Variants in EPB41L4B observed in about 807,000 individuals in gnomAD.
EPB41L4B encodes band 4.1-like protein 4B.
Under a neutral mutation model 112.5 loss-of-function variants are expected in EPB41L4B, and 30 were observed. That is an observed-to-expected ratio of 0.27 (90% CI 0.20 to 0.36). EPB41L4B has a LOEUF of 0.36. EPB41L4B is among the 10% of genes least tolerant of loss of function. The pLI is 1.00. For synonymous variants in EPB41L4B, 408 were observed against 439.7 expected (o/e 0.93, Z 0.90); for missense variants, 1,024 against 1,133.3 (o/e 0.90, Z 1.38).
intron 2 of EPB41L4B, among the ~76,000 whole-genome samples, chr9:109,276,322 T>C (rs1229751435): frequency 2.6e-5 from 4 of 151,316 alleles, no homozygotes; most frequent in African/African-American, 9.7e-5. Flanking sequence ...GGGGGGGTCA[T>C]CTGAGATGGT....
At chr9:109,222,177 A>C (rs749964127) in intron 15 of EPB41L4B, among the ~76,000 whole-genome samples, 1 of 152,208 alleles carries the variant, frequency 6.6e-6, no homozygotes, top group African/African-American at 2.4e-5. Context: ...TGCATGTGTG[A>C]CCTTCATCTT....
In EPB41L4B at chr9:109,262,452, G is replaced by GTGTGTGTGTGT. The variant is rs34849317; in HGVS notation, c.631+597_631+598insACACACACACA. Among the ~76,000 whole-genome samples the GTGTGTGTGTGT allele has an allele frequency of 6.1e-4, 91 of 149,652 alleles. No individual in the cohort carries two copies. In the East Asian group the frequency reaches 6.1e-3, roughly 10 times the overall value. ...AATGCTATTTCTTGGTGTGTGTGGG[G>GTGTGTGTGTGT]GTGTGTGTGTGTGTGTGTGTGTGTG... On this transcript the variant is annotated intron_variant, in intron 6 of 25. Transcript: ENST00000374566.
Position 109,263,088 on chromosome 9 carries a change from T to C in EPB41L4B, c.593A>G (p.Tyr198Cys). Residue 198 changes from tyrosine (Y) to cysteine (C), a missense_variant, in exon 6 of 26, where the codon TAT (tyrosine) becomes TGT (cysteine). Tyr to Cys is a radical substitution (Grantham distance 194). Transcript: ENST00000374566. The stretch of plus-strand genomic sequence containing the variant: ...AGCAGCTAATTCCACAGCTGTTTCA[T>C]AAGGGCATTTCAATCTTGAAAAAAA... ...DILSGKLKCPYETAVELAALC... is the reference protein window; with the variant it reads ...DILSGKLKCPCETAVELAALC... 1.3e-6 allele frequency: 2 copies of C among 1,594,202 alleles called. No individual in the cohort carries two copies. The highest frequency in any genetic ancestry group is 1.7e-6 in the Non-Finnish European group (2 of 1,166,422).
intron 2 of EPB41L4B, among the ~76,000 whole-genome samples, chr9:109,272,921 A>G (rs1439438427): frequency 6.6e-6 from 1 of 152,092 alleles, no homozygotes; most frequent in East Asian, 1.9e-4. Context: ...TGCAGCCTTG[A>G]TAAGAGGCAG....
At chr9:109,306,504 C>T (rs894093842) in intron 1 of EPB41L4B, among the ~76,000 whole-genome samples, 11 of 152,114 alleles carry the variant, frequency 7.2e-5, no homozygotes, top group African/African-American at 2.4e-4. Context: ...ATCCCAGCTA[C>T]GGGGGAGCTG....
chr9:109,203,832 G>T, intron 18 of EPB41L4B, 102 bp from the exon 19 acceptor site: 1 of 875,816 alleles, frequency 1.1e-6, no homozygotes, highest in Non-Finnish European at 1.9e-6. Flanking sequence ...ATTGGCAAGT[G>T]GACCAAAGAG....
At chr9:109,191,241 T>C (rs1193993855) in intron 22 of EPB41L4B, among the ~76,000 whole-genome samples, 1 of 152,160 alleles carries the variant, frequency 6.6e-6, no homozygotes, top group Non-Finnish European at 1.5e-5. Context: ...AAAAGCTAGA[T>C]GCCCAGGATA....
At chr9:109,201,449 CAAA>C (rs563680101) in intron 19 of EPB41L4B, among the ~76,000 whole-genome samples, 7 of 59,406 alleles carry the variant, frequency 1.2e-4, no homozygotes, top group Admixed American at 3.9e-4. Context: ...GACCCTGTCT[CAAA>C]AAAAAAAAAA....
rs71499690 is a variant in EPB41L4B at position 109,297,694 on chromosome 9, C to T, written c.307-17773G>A. On this transcript the variant is annotated intron_variant, in intron 1 of 25. Coordinates refer to ENST00000374566, the MANE Select transcript of EPB41L4B (RefSeq NM_019114.5). ...CGTGGCAGCCCCTGGATGCTTTGCA[C>T]GGTACTCCCCTGGACTGAAACTGAT... 5.1e-3 allele frequency among the ~76,000 whole-genome samples: 774 copies of T among 152,316 alleles called. 5 individuals carry two copies. The highest frequency in any genetic ancestry group is 8.1e-3 in the Non-Finnish European group (549 of 68,032).
intron 2 of EPB41L4B, among the ~76,000 whole-genome samples, chr9:109,276,189 AC>A (rs1835816426): frequency 6.7e-6 from 1 of 148,740 alleles, no homozygotes; most frequent in Admixed American, 6.7e-5. Context: ...ACACACACAC[AC>A]ACACACACAC....
intron 15 of EPB41L4B, among the ~76,000 whole-genome samples, chr9:109,238,304 CA>C (rs1443057167): frequency 3.3e-5 from 5 of 152,184 alleles, no homozygotes; most frequent in African/African-American, 1.2e-4. Flanking sequence ...AACGAGAACA[CA>C]GCTGACACAC....
At chr9:109,265,432 C>A (rs543368007) in intron 4 of EPB41L4B, among the ~76,000 whole-genome samples, 1 of 152,122 alleles carries the variant, frequency 6.6e-6, no homozygotes, top group African/African-American at 2.4e-5. Flanking sequence ...AGATCTGCTG[C>A]GGTGGATTGT....
intron 15 of EPB41L4B, chr9:109,239,946 C>T (rs2118950199): frequency 4.1e-6 from 4 of 985,312 alleles, no homozygotes; most frequent in East Asian, 1.1e-4. Flanking sequence ...CAGAGTTGCC[C>T]CAGATGAAGA....
chr9:109,208,423 C>T (rs1265005121), intron 17 of EPB41L4B, among the ~76,000 whole-genome samples: 3 of 152,196 alleles, frequency 2.0e-5, no homozygotes, highest in African/African-American at 7.2e-5. Context: ...AAATTCAATT[C>T]TGTGACTTGT....
At chr9:109,276,135 TAATA>T (rs1479592806) in intron 2 of EPB41L4B, among the ~76,000 whole-genome samples, 6 of 147,606 alleles carry the variant, frequency 4.1e-5, no homozygotes, top group Non-Finnish European at 7.4e-5. Flanking sequence ...TATATATACA[TAATA>T]TATACGTGTG....
At chr9:109,260,789 A>C (rs1588181399) in intron 6 of EPB41L4B, among the ~76,000 whole-genome samples, 1 of 152,192 alleles carries the variant, frequency 6.6e-6, no homozygotes, top group East Asian at 1.9e-4. Context: ...ACGGTCACAG[A>C]GAACTGACCT....
intron 15 of EPB41L4B, among the ~76,000 whole-genome samples, chr9:109,228,510 T>A (rs1833857907): frequency 6.6e-6 from 1 of 152,238 alleles, no homozygotes; most frequent in African/African-American, 2.4e-5. Context: ...CCTAAAGACT[T>A]GAGCTAATCA....
intron 1 of EPB41L4B, among the ~76,000 whole-genome samples, chr9:109,288,738 A>G (rs1486458067): frequency 7.0e-6 from 1 of 143,542 alleles, no homozygotes; most frequent in Admixed American, 7.1e-5. Context: ...AAAAAAAAAA[A>G]AAAAAAAAAA....
chr9:109,318,118 CT>C (rs964072292), intron 1 of EPB41L4B, among the ~76,000 whole-genome samples: 1 of 151,672 alleles, frequency 6.6e-6, no homozygotes, highest in Non-Finnish European at 1.5e-5. Context: ...CCAGCATTTG[CT>C]TTTTATCTGC....
Sources: allele counts gnomAD v4.1 joint callset (sites outside exome capture counted in the v4.1 genomes callset), GRCh38; gene constraint gnomAD v4.1.1; transcripts MANE v1.5; gene names NCBI Gene and HGNC (gene_info 2026-07-23, HGNC 2026-07-21).